CDYL: variants seen among roughly 807,000 people sequenced by gnomAD.
CDYL encodes the protein chromodomain Y-like protein.
Under a neutral mutation model 47.3 loss-of-function variants are expected in CDYL, and 8 were observed. The observed-to-expected ratio is 0.17, with a 90% confidence interval of 0.10 to 0.31. The LOEUF is 0.31. CDYL is among the 10% of genes least tolerant of loss of function. The probability of loss-of-function intolerance (pLI) is 1.00; values close to 1 mark genes in which losing one functional copy is unlikely to be tolerated. For synonymous variants in CDYL, 266 were observed against 265.0 expected (o/e 1.00, Z -0.04); for missense variants, 471 against 701.4 (o/e 0.67, Z 3.71).
chr6:4,864,402 T>A (rs1380837592), intron 1 of CDYL, among the ~76,000 whole-genome samples: 1 of 152,190 alleles, frequency 6.6e-6, no homozygotes, highest in African/African-American at 2.4e-5. Flanking sequence ...GACTAAAATT[T>A]GTAGCAACAA....
chr6:4,825,496 T>G (rs905108430), intron 1 of CDYL, among the ~76,000 whole-genome samples: 1 of 152,188 alleles, frequency 6.6e-6, no homozygotes, highest in African/African-American at 2.4e-5. Flanking sequence ...AATGTCCTTA[T>G]CATGTTGAGG....
At chr6:4,762,313 A>T (rs1013411680) in intron 3 of CDYL, among the ~76,000 whole-genome samples, 8 of 152,234 alleles carry the variant, frequency 5.3e-5, no homozygotes, top group African/African-American at 1.9e-4. Flanking sequence ...GCTGGCAGGA[A>T]CAAACATATC....
At chr6:4,807,490 C>T (rs1303859144) in intron 1 of CDYL, among the ~76,000 whole-genome samples, 1 of 151,402 alleles carries the variant, frequency 6.6e-6, no homozygotes, top group Non-Finnish European at 1.5e-5. Flanking sequence ...GTGGTGCTTA[C>T]CTAATGGTGA....
At chr6:4,752,918 A>G (rs1431755415) in intron 3 of CDYL, among the ~76,000 whole-genome samples, 1 of 151,360 alleles carries the variant, frequency 6.6e-6, no homozygotes, top group Non-Finnish European at 1.5e-5. Flanking sequence ...GTAGATAGAT[A>G]GATAGATTTT....
At chr6:4,842,046 ATT>A (rs1434477697) in intron 1 of CDYL, among the ~76,000 whole-genome samples, 5 of 144,710 alleles carry the variant, frequency 3.5e-5, no homozygotes, top group African/African-American at 1.2e-4. Flanking sequence ...ATTTATATAT[ATT>A]ATATTAATAT....
upstream of CDYL, chr6:4,772,879 CTTCTT>C (rs112676598): frequency 3.0e-6 from 1 of 336,090 alleles, no homozygotes. Context: ...TAGATTTTGG[CTTCTT>C]TTGTTTTTTT....
intron 1 of CDYL, among the ~76,000 whole-genome samples, chr6:4,834,936 AG>A (rs1760253366): frequency 6.6e-6 from 1 of 152,034 alleles, no homozygotes; most frequent in African/African-American, 2.4e-5. Flanking sequence ...AGCCCCTTTA[AG>A]CACTTCTCTG....
chr6:4,744,596 C>T (rs1002453531), intron 3 of CDYL, among the ~76,000 whole-genome samples: 2 of 152,144 alleles, frequency 1.3e-5, no homozygotes, highest in Admixed American at 6.6e-5. Context: ...CTTTAAGAAC[C>T]AACATTTCTT....
At chr6:4,879,709 C>T (rs1171226090) in intron 1 of CDYL, among the ~76,000 whole-genome samples, 1 of 151,876 alleles carries the variant, frequency 6.6e-6, no homozygotes, top group Non-Finnish European at 1.5e-5. Flanking sequence ...CAGGAGCCCA[C>T]CATCATGCCC....
rs1349881352 is a variant in CDYL at position 4,788,711 on chromosome 6, A to C, written c.24+11904A>C. 4.0e-5 allele frequency among the ~76,000 whole-genome samples: 6 copies of C among 150,948 alleles called. No individual in the cohort carries two copies. The Admixed American group carries it at 4.0e-4, about 10-fold the overall frequency. The stretch of plus-strand genomic sequence containing the variant: ...TGGGAACTGTAAGGATGGAAATTCC[A>C]ATCCTTTCTGTGCTTCCCCACCACC... On this transcript the variant is annotated intron_variant, in intron 1 of 6. Coordinates refer to ENST00000397588, the MANE Select transcript of CDYL (RefSeq NM_004824.4).
chr6:4,828,252 CTTTTTT>C (rs11324291), intron 1 of CDYL, among the ~76,000 whole-genome samples: 2 of 79,138 alleles, frequency 2.5e-5, no homozygotes, highest in African/African-American at 8.8e-5. Flanking sequence ...TAACTTTCAG[CTTTTTT>C]TTTTTTTTTT....
At chr6:4,865,166 CCT>C (rs1282438591) in intron 1 of CDYL, among the ~76,000 whole-genome samples, 3 of 152,108 alleles carry the variant, frequency 2.0e-5, no homozygotes, top group Non-Finnish European at 4.4e-5. Context: ...CCTGCTCTGC[CCT>C]GAGTTACTCC....
chr6:4,815,591 A>G (rs1056603372), intron 1 of CDYL, among the ~76,000 whole-genome samples: 2 of 151,804 alleles, frequency 1.3e-5, no homozygotes, highest in Non-Finnish European at 2.9e-5. Context: ...ATGTGTATCA[A>G]TACTGGTTAT....
chr6:4,749,750 A>G (rs1056951172), intron 3 of CDYL, among the ~76,000 whole-genome samples: 1 of 152,234 alleles, frequency 6.6e-6, no homozygotes, highest in Non-Finnish European at 1.5e-5. Context: ...ATGATTAGCA[A>G]TACAGGAAAA....
intron 2 of CDYL, among the ~76,000 whole-genome samples, chr6:4,901,285 C>T (rs750060826): frequency 1.3e-5 from 2 of 152,092 alleles, no homozygotes; most frequent in African/African-American, 2.4e-5. Context: ...TTGCTCTTGT[C>T]GCTGCATGTG....
chr6:4,906,974 G>C (rs1264240805), intron 2 of CDYL, among the ~76,000 whole-genome samples: 1 of 152,224 alleles, frequency 6.6e-6, no homozygotes. Flanking sequence ...TCTAATGTGT[G>C]CATTTCCCAG....
chr6:4,887,066 C>A (rs12525107), intron 1 of CDYL, among the ~76,000 whole-genome samples: 1 of 152,154 alleles, frequency 6.6e-6, no homozygotes, highest in African/African-American at 2.4e-5. Context: ...TGTAGTTCCA[C>A]GCTGCCAGTT....
intron 2 of CDYL, among the ~76,000 whole-genome samples, chr6:4,929,787 GTTC>G (rs1757982885): frequency 6.6e-6 from 1 of 151,848 alleles, no homozygotes; most frequent in African/African-American, 2.4e-5. Context: ...TTTTGAAGAT[GTTC>G]TTTTCTCGTA....
At chr6:4,933,358 G>C (rs79734348) in intron 2 of CDYL, among the ~76,000 whole-genome samples, 1,822 of 152,300 alleles carry the variant, frequency 0.012, 41 homozygotes, top group African/African-American at 0.042. Flanking sequence ...TCCTCCCTCA[G>C]CAACTCCAGG....
Sources: allele counts gnomAD v4.1 joint callset (sites outside exome capture counted in the v4.1 genomes callset), GRCh38; gene constraint gnomAD v4.1.1; transcripts MANE v1.5; gene names NCBI Gene and HGNC (gene_info 2026-07-23, HGNC 2026-07-21).